The following RIT2 variants were observed in gnomAD, a reference collection of about 807,000 sequenced individuals.
RIT2 encodes Ras like without CAAX 2, also known as GTP-binding protein Rit2.
RIT2 carries 24 observed loss-of-function variants against 23.7 expected under a neutral mutation model. That is an observed-to-expected ratio of 1.01 (90% confidence interval 0.73 to 1.43). The LOEUF (loss-of-function observed/expected upper bound fraction) is 1.43, where lower values mean the gene tolerates loss of function less well. Among genes scored for constraint, RIT2 ranks in the 40% most tolerant of loss-of-function variants. RIT2 has a pLI of 0.00. For missense variants in RIT2, 236 were observed against 266.9 expected, an observed-to-expected ratio of 0.88 and a Z score of 0.81; for synonymous variants, 107 against 91.1, an observed-to-expected ratio of 1.17 and a Z score of -0.99.
At chr18:43,007,749 C>T (rs112766395) in intron 2 of RIT2, among the ~76,000 whole-genome samples, 11 of 151,586 alleles carry the variant, frequency 7.3e-5, no homozygotes, top group South Asian at 2.1e-4. Flanking sequence ...TGGTTACTTT[C>T]GGAAAATACT....
chr18:42,795,176 G>A (rs191648197), intron 4 of RIT2, among the ~76,000 whole-genome samples: 4 of 152,292 alleles, frequency 2.6e-5, no homozygotes, highest in Admixed American at 6.5e-5. Context: ...GCCCACCACT[G>A]CACTGTGGGA....
intron 1 of RIT2, among the ~76,000 whole-genome samples, chr18:43,086,868 G>T (rs1913294751): frequency 6.6e-6 from 1 of 152,120 alleles, no homozygotes; most frequent in Admixed American, 6.5e-5. Flanking sequence ...TAAATAGAGT[G>T]CAATTAGAGC....
chr18:42,827,034 A>T (rs2144001633), intron 4 of RIT2, among the ~76,000 whole-genome samples: 1 of 151,994 alleles, frequency 6.6e-6, no homozygotes, highest in Admixed American at 6.6e-5. Context: ...GGAAAAGTCC[A>T]AAAATTCAAT....
chr18:42,892,472 T>C (rs1908206573), intron 4 of RIT2, among the ~76,000 whole-genome samples: 2 of 152,286 alleles, frequency 1.3e-5, no homozygotes, highest in South Asian at 2.1e-4. Context: ...TCAGGGGAAA[T>C]AATCCTGCTT....
intron 4 of RIT2, among the ~76,000 whole-genome samples, chr18:42,899,485 C>T (rs917564767): frequency 6.6e-6 from 1 of 151,852 alleles, no homozygotes; most frequent in Admixed American, 6.6e-5. Context: ...CATTAACTCA[C>T]TGTATCTGAA....
intron 2 of RIT2, among the ~76,000 whole-genome samples, chr18:43,019,445 A>C (rs1911547273): frequency 6.6e-6 from 1 of 152,098 alleles, no homozygotes; most frequent in African/African-American, 2.4e-5. Flanking sequence ...TTATATGATT[A>C]TCTCAATAGA....
chr18:42,783,767 A>G (rs1567995347), intron 4 of RIT2, among the ~76,000 whole-genome samples: 1 of 152,098 alleles, frequency 6.6e-6, no homozygotes, highest in Non-Finnish European at 1.5e-5. Flanking sequence ...ACATGACATC[A>G]TATTAGTGTG....
intron 4 of RIT2, among the ~76,000 whole-genome samples, chr18:42,854,517 TCA>T (rs1907134236): frequency 6.6e-6 from 1 of 152,126 alleles, no homozygotes; most frequent in Admixed American, 6.6e-5. Flanking sequence ...GAATGCTCTG[TCA>T]TTAATTGAGC....
At chr18:42,958,024 G>C (rs1910013120) in intron 3 of RIT2, among the ~76,000 whole-genome samples, 1 of 152,136 alleles carries the variant, frequency 6.6e-6, no homozygotes, top group South Asian at 2.1e-4. Context: ...TAACCTGGTG[G>C]GTGAGTTAAA....
At chr18:42,931,236 T>C (rs976156564) in intron 3 of RIT2, among the ~76,000 whole-genome samples, 2 of 152,146 alleles carry the variant, frequency 1.3e-5, no homozygotes, top group East Asian at 1.9e-4. Flanking sequence ...CCCTGGATGA[T>C]ATGCACTTTA....
chr18:43,003,512 C>G (rs1911154865), intron 2 of RIT2, among the ~76,000 whole-genome samples: 1 of 151,714 alleles, frequency 6.6e-6, no homozygotes, highest in African/African-American at 2.4e-5. Context: ...TTTTTGTTTC[C>G]TGGCAAAAAT....
At chr18:42,804,634 G>C (rs1464661855) in intron 4 of RIT2, among the ~76,000 whole-genome samples, 1 of 148,748 alleles carries the variant, frequency 6.7e-6, no homozygotes, top group Non-Finnish European at 1.5e-5. Flanking sequence ...GTATCCCCAA[G>C]GGTTTTTCCA....
intron 4 of RIT2, among the ~76,000 whole-genome samples, chr18:42,765,233 T>G (rs1376701585): frequency 6.6e-6 from 1 of 152,246 alleles, no homozygotes; most frequent in Non-Finnish European, 1.5e-5. Flanking sequence ...TGCCAATGCC[T>G]AAGCTTTAAC....
At chr18:42,994,153 G>T (rs1208788027) in intron 2 of RIT2, among the ~76,000 whole-genome samples, 3 of 151,852 alleles carry the variant, frequency 2.0e-5, no homozygotes, top group Non-Finnish European at 4.4e-5. Context: ...CTATTCCTTT[G>T]CACCCTTCAT....
At chr18:42,770,302 G>T (rs142573949) in intron 4 of RIT2, among the ~76,000 whole-genome samples, 1 of 152,168 alleles carries the variant, frequency 6.6e-6, no homozygotes, top group Admixed American at 6.5e-5. Context: ...AAGTCACAAC[G>T]ACCTAGAGGC....
At chr18:43,109,740 G>A (rs1395802380) in intron 1 of RIT2, among the ~76,000 whole-genome samples, 2 of 152,100 alleles carry the variant, frequency 1.3e-5, no homozygotes, top group African/African-American at 4.8e-5. Flanking sequence ...CCAGAGGTCA[G>A]GAATCACCTG....
At chr18:42,804,694 T>C (rs1038328430) in intron 4 of RIT2, among the ~76,000 whole-genome samples, 1 of 152,064 alleles carries the variant, frequency 6.6e-6, no homozygotes, top group Admixed American at 6.6e-5. Context: ...CGAAAGTAAG[T>C]GTCAACTGTC....
intron 1 of RIT2, among the ~76,000 whole-genome samples, chr18:43,069,424 G>A (rs983749393): frequency 2.0e-5 from 3 of 152,094 alleles, no homozygotes; most frequent in Admixed American, 2.0e-4. Flanking sequence ...ATCGGAACCC[G>A]TTTCCTGTAA....
chr18:42,773,950 TC>T (rs1357408223), intron 4 of RIT2, among the ~76,000 whole-genome samples: 1 of 152,184 alleles, frequency 6.6e-6, no homozygotes, highest in Non-Finnish European at 1.5e-5. Context: ...TACTTGGTTT[TC>T]CTCTAAATTC....
Sources: gnomAD v4.1 joint callset for allele counts (sites outside exome capture counted in the v4.1 genomes callset) on GRCh38, gnomAD v4.1.1 for gene constraint, MANE v1.5 for transcripts, NCBI Gene and HGNC (gene_info 2026-07-23, HGNC 2026-07-21) for gene names.